The following METTL14 variants were observed in gnomAD, a reference collection of about 807,000 sequenced individuals.
METTL14 encodes the protein N(6)-adenosine-methyltransferase non-catalytic subunit METTL14.
In METTL14, 32 loss-of-function variants were observed where a neutral mutation model predicts 62.4. The observed-to-expected ratio is 0.51, with a 90% CI of 0.39 to 0.69. The LOEUF (loss-of-function observed/expected upper bound fraction) is 0.69. Ranked by LOEUF, METTL14 falls within the 30% of genes least tolerant of loss-of-function variation. The pLI is 0.00. For synonymous variants in METTL14, 150 were observed against 180.0 expected (o/e 0.83, Z 1.34); for missense variants, 340 against 551.9 (o/e 0.62, Z 3.85).
intron 7 of METTL14, among the ~76,000 whole-genome samples, chr4:118,697,840 G>A (rs1724460511): frequency 6.6e-6 from 1 of 152,034 alleles, no homozygotes; most frequent in African/African-American, 2.4e-5. Flanking sequence ...GGGTAGATGG[G>A]ACATAGGAAC....
intron 3 of METTL14, 47 bp downstream of exon 3, chr4:118,689,504 C>G (rs200622502): frequency 1.2e-4 from 132 of 1,080,178 alleles, no homozygotes; most frequent in Middle Eastern, 4.5e-4. Flanking sequence ...AACATAAATC[C>G]AAATGATAGA....
At position 118,711,907 on chromosome 4, in the gene METTL14, C is replaced by G. The variant is rs1048504894; in HGVS notation, c.*1605C>G. The G allele has an allele frequency of 2.6e-5, 4 of 152,134 alleles. No individual in the cohort carries two copies. Among genetic ancestry groups the G allele is most frequent in the African/African-American group, 9.7e-5 (4 of 41,434 alleles). 9.4% of individuals were successfully genotyped at this position (152,134 alleles called of 1,614,324 possible). A position where few individuals can be genotyped will look rare whatever the true frequency, so the allele number is the denominator to read the frequency against. On this transcript the variant is annotated 3_prime_UTR_variant, in exon 11 of 11. Transcript: ENST00000388822. The stretch of plus-strand genomic sequence containing the variant: ...TATACACAGGGCTCTCTATTACGTT[C>G]CATACCCTGGGCCTACCCAAGGTGA...
intron 2 of METTL14, among the ~76,000 whole-genome samples, chr4:118,689,107 AATAC>A (rs1724165191): frequency 6.6e-6 from 1 of 152,232 alleles, no homozygotes; most frequent in African/African-American, 2.4e-5. Flanking sequence ...AGATTAAAAT[AATAC>A]ATACTATATA....
At chr4:118,709,742 T>A (rs538364455) in intron 10 of METTL14, among the ~76,000 whole-genome samples, 1 of 152,292 alleles carries the variant, frequency 6.6e-6, no homozygotes, top group East Asian at 1.9e-4. Context: ...TTCTCTAAGT[T>A]CTATTCTCAC....
chr4:118,686,683 G>A (rs1054313970), intron 1 of METTL14: 7 of 454,824 alleles, frequency 1.5e-5, no homozygotes, highest in Non-Finnish European at 3.1e-5. Context: ...TTCTTTTATC[G>A]TATTATCTTC....
rs1227253916 is a variant in METTL14 at position 118,712,495 on chromosome 4, C to G, written c.*2193C>G. Reference sequence around the variant, plus strand: ...GCTGGGCGTGGTGGCATGTGCACGCCTGTAATCCCCGCTACTCGGGAGGCT... The same window carrying G: ...GCTGGGCGTGGTGGCATGTGCACGCGTGTAATCCCCGCTACTCGGGAGGCT... On this transcript the variant is annotated 3_prime_UTR_variant, in exon 11 of 11. Transcript: ENST00000388822. 1 of 152,158 alleles carries G rather than the reference C, an allele frequency of 6.6e-6. No individual in the cohort carries two copies. The highest frequency in any genetic ancestry group is 1.5e-5 in the Non-Finnish European group (1 of 68,084). 9.4% of individuals were successfully genotyped at this position (152,158 alleles called of 1,614,324 possible). A position where few individuals can be genotyped will look rare whatever the true frequency, so the allele number is the denominator to read the frequency against.
chr4:118,691,942 C>A, intron 4 of METTL14, 39 bp from the exon 5 acceptor site: 1 of 1,304,628 alleles, frequency 7.7e-7, no homozygotes, highest in South Asian at 1.2e-5. Flanking sequence ...TCTGCCATTA[C>A]AATGCATGTT....
At chr4:118,706,883 G>T (rs1173388099) in intron 10 of METTL14, among the ~76,000 whole-genome samples, 5 of 152,030 alleles carry the variant, frequency 3.3e-5, no homozygotes, top group Non-Finnish European at 7.4e-5. Context: ...GCCTTTTTTG[G>T]TGAGATGTCT....
rs368250895 is a variant in METTL14 at position 118,700,532 on chromosome 4, C to T, written c.646-18C>T. 8.1e-5 allele frequency: 128 copies of T among 1,582,242 alleles called. No homozygotes were observed. Among genetic ancestry groups the T allele is most frequent in the Middle Eastern group, 5.0e-4 (3 of 6,004 alleles). ...GAAACAAAATACTTTTATGCAATAT[C>T]GTTTTGATTTCTTACAGATTATGAA... On this transcript the variant is annotated intron_variant, in intron 7 of 10. Transcript: ENST00000388822.
At chr4:118,706,275 A>G (rs1458281555) in intron 10 of METTL14, among the ~76,000 whole-genome samples, 2 of 152,234 alleles carry the variant, frequency 1.3e-5, no homozygotes, top group Non-Finnish European at 2.9e-5. Flanking sequence ...ACAACTCTTG[A>G]CAACCACTTA....
chr4:118,700,066 G>A (rs1024356148), intron 7 of METTL14, among the ~76,000 whole-genome samples: 2 of 151,810 alleles, frequency 1.3e-5, no homozygotes, highest in Non-Finnish European at 2.9e-5. Context: ...ACTCAAAGTA[G>A]TAATCGTAGC....
intron 6 of METTL14, among the ~76,000 whole-genome samples, chr4:118,696,681 A>G (rs1724424045): frequency 6.6e-6 from 1 of 152,200 alleles, no homozygotes; most frequent in Admixed American, 6.5e-5. Context: ...AAAGACTCTT[A>G]ATAGAAACAT....
At chr4:118,692,573 T>C (rs1724283839) in intron 5 of METTL14, among the ~76,000 whole-genome samples, 1 of 152,196 alleles carries the variant, frequency 6.6e-6, no homozygotes, top group African/African-American at 2.4e-5. Context: ...AGGCCCTGTA[T>C]ACCTTCTTTT....
intron 8 of METTL14, among the ~76,000 whole-genome samples, 163 bp downstream of exon 8, chr4:118,700,805 G>A (rs547676580): frequency 1.3e-5 from 2 of 152,194 alleles, no homozygotes; most frequent in East Asian, 3.9e-4. Context: ...ACGTAAGAAA[G>A]GCAATACTTG....
intron 8 of METTL14, among the ~76,000 whole-genome samples, chr4:118,701,865 A>G (rs28702569): frequency 0.029 from 4,471 of 152,268 alleles, 219 homozygotes; most frequent in African/African-American, 0.1. Context: ...TATTCTTTAT[A>G]TAAATAGTAA....
At chr4:118,702,822 T>C (rs1265144591) in intron 8 of METTL14, among the ~76,000 whole-genome samples, 5 of 150,506 alleles carry the variant, frequency 3.3e-5, no homozygotes, top group Non-Finnish European at 5.9e-5. Flanking sequence ...TATCTTACAT[T>C]ACCCAATAAG....
At chr4:118,703,869 G>C (rs887496137) in intron 8 of METTL14, 66 bp from the exon 9 acceptor site, 13 of 898,726 alleles carry the variant, frequency 1.4e-5, no homozygotes, top group Middle Eastern at 3.0e-4. Flanking sequence ...AATGCTGGTT[G>C]TTATTGTTAA....
intron 7 of METTL14, among the ~76,000 whole-genome samples, chr4:118,698,951 AACATTT>A (rs1437288590): frequency 2.6e-5 from 4 of 152,214 alleles, no homozygotes; most frequent in Non-Finnish European, 5.9e-5. Context: ...AAGCCGGGAA[AACATTT>A]ACATTTAAAG....
At chr4:118,686,395 G>A (rs1000171053) in intron 1 of METTL14, among the ~76,000 whole-genome samples, 1 of 152,182 alleles carries the variant, frequency 6.6e-6, no homozygotes, top group Non-Finnish European at 1.5e-5. Flanking sequence ...TAAAATCGAG[G>A]CTGTATTTTC....
Sources: gnomAD v4.1 joint callset for allele counts (sites outside exome capture counted in the v4.1 genomes callset) on GRCh38, gnomAD v4.1.1 for gene constraint, MANE v1.5 for transcripts, NCBI Gene and HGNC (gene_info 2026-07-23, HGNC 2026-07-21) for gene names.